PRPSAP2: variants seen among roughly 807,000 people sequenced by gnomAD.
PRPSAP2 encodes phosphoribosyl pyrophosphate synthase-associated protein 2.
A neutral mutation model predicts 40.6 loss-of-function variants in PRPSAP2; 24 were observed. The ratio of observed to expected loss-of-function variants is 0.59; its 90% CI spans 0.43 to 0.83. The LOEUF is 0.83. Ranked by LOEUF, PRPSAP2 falls within the 40% of genes least tolerant of loss-of-function variation. PRPSAP2 has a pLI of 0.00. For missense variants in PRPSAP2, 292 were observed against 465.6 expected, an observed-to-expected ratio of 0.63 and a Z score of 3.43; for synonymous variants, 149 against 164.7, an observed-to-expected ratio of 0.90 and a Z score of 0.73.
At chr17:18,929,334 G>T (rs1278322746) in intron 11 of PRPSAP2, among the ~76,000 whole-genome samples, 1 of 150,388 alleles carries the variant, frequency 6.6e-6, no homozygotes, top group Non-Finnish European at 1.5e-5. Context: ...TCCAGCCTGG[G>T]TGACAGAATG....
At chr17:18,882,165 A>G (rs1270578741) in intron 6 of PRPSAP2, among the ~76,000 whole-genome samples, 3 of 151,972 alleles carry the variant, frequency 2.0e-5, no homozygotes, top group African/African-American at 7.2e-5. Context: ...ATAGTAACTT[A>G]TTGTATATAG....
intron 9 of PRPSAP2, among the ~76,000 whole-genome samples, chr17:18,923,372 C>CT (rs1173211622): frequency 2.7e-5 from 4 of 150,510 alleles, no homozygotes; most frequent in Non-Finnish European, 5.9e-5. Flanking sequence ...TCCCAAAGGG[C>CT]TGGGATTACA....
intron 8 of PRPSAP2, among the ~76,000 whole-genome samples, chr17:18,892,727 G>GTGTGTGTT (rs60288281): frequency 0.083 from 10,497 of 126,394 alleles, 803 homozygotes; most frequent in Middle Eastern, 0.15. Context: ...GTGTGTGTGT[G>GTGTGTGTT]TATTTATTTA....
chr17:18,863,115 C>T (rs1192642091), intron 1 of PRPSAP2, among the ~76,000 whole-genome samples: 9 of 151,944 alleles, frequency 5.9e-5, no homozygotes, highest in Admixed American at 1.3e-4. Flanking sequence ...CCACCGTGCC[C>T]GGCAATTTTT....
intron 7 of PRPSAP2, among the ~76,000 whole-genome samples, chr17:18,886,593 A>G (rs112470567): frequency 0.073 from 11,032 of 151,748 alleles, 435 homozygotes; most frequent in Admixed American, 0.098. Context: ...CTCCTGACCT[A>G]ATGATCTGCC....
chr17:18,929,053 T>C (rs2042118741), intron 11 of PRPSAP2, 96 bp downstream of exon 11: 2 of 1,502,874 alleles, frequency 1.3e-6, no homozygotes, highest in Admixed American at 2.1e-5. Context: ...TGAGATCTTT[T>C]GTGGCTGAGA....
intron 1 of PRPSAP2, among the ~76,000 whole-genome samples, chr17:18,864,610 G>A (rs3764445): frequency 0.53 from 80,849 of 151,900 alleles, 21,788 homozygotes; most frequent in Middle Eastern, 0.6. Flanking sequence ...GTTTTTATAG[G>A]GAGGATGTGT....
upstream of PRPSAP2, among the ~76,000 whole-genome samples, chr17:18,857,405 AGTTTTGTTTT>A (rs548463496): frequency 3.3e-5 from 5 of 151,756 alleles, no homozygotes; most frequent in Non-Finnish European, 5.9e-5. Context: ...CTTTTAGCAC[AGTTTTGTTTT>A]GTTTTGTTTT....
intron 7 of PRPSAP2, among the ~76,000 whole-genome samples, chr17:18,884,097 A>G (rs1308655900): frequency 1.3e-5 from 2 of 151,970 alleles, no homozygotes; most frequent in Admixed American, 1.3e-4. Context: ...GTGAAACCCC[A>G]TCTCTACTAA....
At chr17:18,863,803 G>A (rs945739826) in intron 1 of PRPSAP2, among the ~76,000 whole-genome samples, 1 of 147,146 alleles carries the variant, frequency 6.8e-6, no homozygotes, top group Admixed American at 6.9e-5. Flanking sequence ...CAAAGTGCTG[G>A]GATTACAGGC....
In PRPSAP2 at chr17:18,911,142, A is replaced by C. The variant is rs1239080905; in HGVS notation, c.624A>C (p.Ala208=). The C allele has an allele frequency of 3.7e-6, 6 of 1,613,536 alleles. No homozygotes were observed. Among genetic ancestry groups the C allele is most frequent in the Non-Finnish European group, 4.2e-6 (5 of 1,179,616 alleles). The change falls in exon 9 of 12, where the codon GCA becomes GCC. Residue 208 remains alanine, a synonymous_variant. Transcript: ENST00000268835. The surrounding 1 kb of genome is among the most constrained non-coding windows in gnomAD (Gnocchi z 4.5). ...SFAERLRLGI[A]VIHGEAQDAE... ...CTGAGCGCCTGCGCCTGGGAATTGC[A>C]GTGATTCATGGAGAGGCGCAGGATG... is the stretch of plus-strand genomic sequence containing the variant.
At chr17:18,905,552 T>C (rs1482257465) in intron 8 of PRPSAP2, among the ~76,000 whole-genome samples, 3 of 152,128 alleles carry the variant, frequency 2.0e-5, no homozygotes, top group African/African-American at 7.2e-5. Context: ...TCTGCCCCAT[T>C]GTTCTGTCTG....
At chr17:18,893,911 C>G (rs897557093) in intron 8 of PRPSAP2, among the ~76,000 whole-genome samples, 33 of 151,924 alleles carry the variant, frequency 2.2e-4, no homozygotes, top group Non-Finnish European at 4.7e-4. Flanking sequence ...TCTTGTTGCC[C>G]GGGCTGCACA....
At chr17:18,920,971 A>C (rs2041657459) in intron 9 of PRPSAP2, among the ~76,000 whole-genome samples, 1 of 152,010 alleles carries the variant, frequency 6.6e-6, no homozygotes, top group Non-Finnish European at 1.5e-5. Context: ...AGGTCACCAG[A>C]AACTTTGACA....
chr17:18,889,442 G>A (rs1382100049), intron 7 of PRPSAP2, among the ~76,000 whole-genome samples: 2 of 152,138 alleles, frequency 1.3e-5, no homozygotes, highest in African/African-American at 4.8e-5. Context: ...CATTTGTTTG[G>A]ACTGCAGTAA....
chr17:18,868,853 G>C (rs568803555), intron 4 of PRPSAP2, among the ~76,000 whole-genome samples: 2 of 151,810 alleles, frequency 1.3e-5, no homozygotes, highest in South Asian at 2.1e-4. Context: ...CACCAGGCCT[G>C]GCCCCTCTAC....
intron 8 of PRPSAP2, among the ~76,000 whole-genome samples, chr17:18,905,955 A>G (rs17743944): frequency 0.22 from 33,602 of 152,172 alleles, 3,950 homozygotes; most frequent in South Asian, 0.28. Flanking sequence ...TATGAATACT[A>G]AATCTTACAT....
chr17:18,927,134 T>C (rs1479338806), intron 10 of PRPSAP2, among the ~76,000 whole-genome samples: 2 of 152,202 alleles, frequency 1.3e-5, no homozygotes, highest in African/African-American at 4.8e-5. Context: ...CAAAAAGGAA[T>C]GAACTTTCCT....
chr17:18,903,953 C>T (rs1302135289), intron 8 of PRPSAP2, among the ~76,000 whole-genome samples: 1 of 152,068 alleles, frequency 6.6e-6, no homozygotes, highest in Non-Finnish European at 1.5e-5. Context: ...TTTCTAGTTC[C>T]CTCCTCCAAG....
Sources: allele counts gnomAD v4.1 joint callset (sites outside exome capture counted in the v4.1 genomes callset), GRCh38; gene constraint gnomAD v4.1.1; non-coding constraint Gnocchi (gnomAD v3.1); transcripts MANE v1.5; gene names NCBI Gene and HGNC (gene_info 2026-07-23, HGNC 2026-07-21).